PCDHGA9: variants seen among roughly 807,000 people sequenced by gnomAD.
PCDHGA9 encodes protocadherin gamma-A9.
PCDHGA9 carries 37 observed loss-of-function variants against 62.5 expected under a neutral mutation model. That is an observed-to-expected ratio of 0.59 (90% CI 0.46 to 0.78). PCDHGA9 has a LOEUF of 0.78. Ranked by LOEUF, PCDHGA9 falls within the 30% of genes least tolerant of loss-of-function variation. The pLI is 0.00. For missense variants in PCDHGA9, 1,138 were observed against 1,166.2 expected (o/e 0.98, Z 0.35); for synonymous variants, 459 against 484.6 (o/e 0.95, Z 0.69).
At position 141,485,359 on chromosome 5, in the gene PCDHGA9, C is replaced by G. The variant is rs1233826208; in HGVS notation, c.2425-9448C>G. 6.2e-7 allele frequency: 1 copy of G among 1,614,026 alleles called. No individual in the cohort carries two copies. The highest frequency in any genetic ancestry group is 8.5e-7 in the Non-Finnish European group (1 of 1,180,018). On this transcript the variant is annotated intron_variant, in intron 1 of 3. Transcript: ENST00000573521. This position sits in a 1 kb window ranked among gnomAD's most constrained non-coding sequence, Gnocchi z 5.7. ...TGGATACGGACAGTCTGTCAGCTCG[C>G]AGGCTGCAGGTCGCTGGAGAGGTGA...
Position 141,405,157 on chromosome 5 carries a change from G to T in PCDHGA9, c.2205G>T (p.Val735=). ...CTACCAGTGATGGGTTGGCTGGTGTGCCCACCTCACACTTTGTGGGTGTAG... is the reference window on the plus strand; with the variant it reads ...CTACCAGTGATGGGTTGGCTGGTGTTCCCACCTCACACTTTGTGGGTGTAG... ...LRATSDGLAG[V]PTSHFVGVDG... is the part of the protein sequence containing the mutation. Residue 735 remains valine, a synonymous_variant, in exon 1 of 4, where the codon GTG becomes GTT. Transcript: ENST00000573521. 1 of 1,614,072 alleles carries T rather than the reference G, an allele frequency of 6.2e-7. No individual in the cohort carries two copies.
At chr5:141,464,116 T>A (rs1195883274) in intron 1 of PCDHGA9, among the ~76,000 whole-genome samples, 1 of 151,922 alleles carries the variant, frequency 6.6e-6, no homozygotes, top group African/African-American at 2.4e-5. Context: ...AATACAAAAA[T>A]TAGCTGGGTG....
chr5:141,488,548 T>C (rs112676623), intron 1 of PCDHGA9, among the ~76,000 whole-genome samples: 2 of 152,318 alleles, frequency 1.3e-5, no homozygotes, highest in African/African-American at 4.8e-5. Flanking sequence ...CCATGTCAGC[T>C]GACATTGAGA....
At chr5:141,452,016 A>G (rs988436326) in intron 1 of PCDHGA9, among the ~76,000 whole-genome samples, 5 of 152,084 alleles carry the variant, frequency 3.3e-5, no homozygotes, top group Non-Finnish European at 5.9e-5. Flanking sequence ...TCCAGCCCAC[A>G]CTCTGGGGAG....
chr5:141,422,349 T>G, intron 1 of PCDHGA9: 1 of 1,554,722 alleles, frequency 6.4e-7, no homozygotes, highest in South Asian at 1.3e-5. Flanking sequence ...ATGTGCAAGA[T>G]CAAGATTCTG....
chr5:141,419,264 G>T (rs2096351955), intron 1 of PCDHGA9: 1 of 1,614,036 alleles, frequency 6.2e-7, no homozygotes, highest in Non-Finnish European at 8.5e-7. Context: ...CCAGCCGGGT[G>T]CCTCCATAGC....
chr5:141,413,671 G>A (rs2095665360), intron 1 of PCDHGA9: 13 of 1,613,878 alleles, frequency 8.1e-6, no homozygotes, highest in Non-Finnish European at 9.3e-6. Flanking sequence ...TGATCCGGAT[G>A]TGGGCGTGAA....
chr5:141,439,673 C>G (rs1468476569), intron 1 of PCDHGA9, among the ~76,000 whole-genome samples: 1 of 152,174 alleles, frequency 6.6e-6, no homozygotes, highest in Non-Finnish European at 1.5e-5. Flanking sequence ...AATGCAAATC[C>G]AAGAGCAGAC....
chr5:141,403,442 G>C lies in PCDHGA9; in HGVS notation c.490G>C (p.Val164Leu), dbSNP rs565143998. ...AGAAGCTATTGATCCGGATGTTGGC[G>C]TGAACTCCCTCCAGAGCTACCAGCT... ...LPEAIDPDVG[V>L]NSLQSYQLSP... The change falls in exon 1 of 4, where the codon GTG (valine) becomes CTG (leucine). Residue 164 changes from valine to leucine, a missense_variant. Transcript: ENST00000573521. 6.2e-7 allele frequency: 1 copy of C among 1,614,024 alleles called. No homozygotes were observed. The highest frequency in any genetic ancestry group is 2.2e-5 in the East Asian group (1 of 44,872).
Position 141,502,866 on chromosome 5 carries a change from C to CTTTTTTTTTTTTT in PCDHGA9, c.2484-2525_2484-2513dup, listed in dbSNP as rs549047197. ...GAGCTGCCTAACCCTGACTCTCTGT[C>CTTTTTTTTTTTTT]TTTTTTTTTTTTTTGACAGGGAGTC... On this transcript the variant is annotated intron_variant, in intron 2 of 3. Transcript: ENST00000573521. Among the ~76,000 whole-genome samples, 40 of 128,010 alleles carry CTTTTTTTTTTTTT rather than the reference C, an allele frequency of 3.1e-4. 6 individuals carry two copies. The highest frequency in any genetic ancestry group is 5.1e-4 in the Admixed American group (6 of 11,656). 84.0% of individuals were successfully genotyped at this position (128,010 alleles called of 152,430 possible). A position where few individuals can be genotyped will look rare whatever the true frequency, so the allele number is the denominator to read the frequency against.
chr5:141,455,738 A>G (rs896060095), intron 1 of PCDHGA9, among the ~76,000 whole-genome samples: 2 of 152,140 alleles, frequency 1.3e-5, no homozygotes, highest in Non-Finnish European at 2.9e-5. Flanking sequence ...TTGCATATCA[A>G]AGGTTGCTGG....
intron 1 of PCDHGA9, chr5:141,478,808 T>A: frequency 3.4e-6 from 5 of 1,459,124 alleles, no homozygotes; most frequent in Non-Finnish European, 4.5e-6. Context: ...TCTTTTGCTA[T>A]CACAACTAAC....
rs779949817 is a variant in PCDHGA9 at position 141,487,266 on chromosome 5, T to G, written c.2425-7541T>G. The G allele has an allele frequency of 6.2e-7, 1 of 1,614,054 alleles. No individual in the cohort carries two copies. The highest frequency in any genetic ancestry group is 8.5e-7 in the Non-Finnish European group (1 of 1,180,044). On this transcript the variant is annotated intron_variant, in intron 1 of 3. Transcript: ENST00000573521. This position sits in a 1 kb window ranked among gnomAD's most constrained non-coding sequence, Gnocchi z 5.0. The stretch of plus-strand genomic sequence containing the variant: ...ACCCTCTACTTGGCTGTGTCCCTAG[T>G]GGCAATTTGCTTTGTCTCCTTTGGC...
Position 141,511,378 on chromosome 5 carries a change from T to C in PCDHGA9, c.*205T>C. 1 of 1,202,114 alleles carries C rather than the reference T, an allele frequency of 8.3e-7. No homozygotes were observed. The highest frequency in any genetic ancestry group is 1.1e-6 in the Non-Finnish European group (1 of 882,194). The allele number at this position is 1,202,114 out of a possible 1,614,324, so 74.5% of individuals were successfully genotyped here. A position where few individuals can be genotyped will look rare whatever the true frequency, so the allele number is the denominator to read the frequency against. On this transcript the variant is annotated 3_prime_UTR_variant, in exon 4 of 4. Coordinates refer to ENST00000573521, the MANE Select transcript of PCDHGA9 (RefSeq NM_018921.3). ...AGGGGGTTGAATATGCAAAAGCAGT[T>C]CCGCTGGGAACCCCCATCCAATCAA...
intron 1 of PCDHGA9, chr5:141,422,554 G>A (rs753985751): frequency 1.2e-5 from 19 of 1,613,870 alleles, no homozygotes; most frequent in Non-Finnish European, 1.6e-5. Flanking sequence ...CTGGCTGAAT[G>A]TGGCAGATGA....
chr5:141,458,698 T>C (rs1258294275), intron 1 of PCDHGA9, among the ~76,000 whole-genome samples: 1 of 152,054 alleles, frequency 6.6e-6, no homozygotes, highest in East Asian at 1.9e-4. Context: ...GCCTCCCGAG[T>C]AGCTGGGATT....
intron 1 of PCDHGA9, chr5:141,410,789 A>C: frequency 1.3e-6 from 1 of 794,444 alleles, no homozygotes; most frequent in Non-Finnish European, 1.8e-6. Context: ...TATTTGGTTC[A>C]TAAGTTGCTC....
chr5:141,409,571 T>TACGTGGTCC (rs2095286242), intron 1 of PCDHGA9: 2 of 1,613,932 alleles, frequency 1.2e-6, no homozygotes, highest in East Asian at 4.5e-5. Context: ...CCAGACGTCC[T>TACGTGGTCC]ACGTGGTCCA....
At chr5:141,460,926 G>A (rs1180507724) in intron 1 of PCDHGA9, among the ~76,000 whole-genome samples, 4 of 145,540 alleles carry the variant, frequency 2.7e-5, no homozygotes, top group African/African-American at 2.6e-5. Flanking sequence ...ATATATATAT[G>A]TGTGTGTGTA....
Sources: gnomAD v4.1 joint callset for allele counts (sites outside exome capture counted in the v4.1 genomes callset) on GRCh38, gnomAD v4.1.1 for gene constraint, Gnocchi (gnomAD v3.1) non-coding constraint, MANE v1.5 for transcripts, NCBI Gene and HGNC (gene_info 2026-07-23, HGNC 2026-07-21) for gene names.